The following ASAH2 variants were observed in gnomAD, a reference collection of about 807,000 sequenced individuals.
ASAH2 encodes the protein N-acylsphingosine amidohydrolase 2.
Under a neutral mutation model 82.9 loss-of-function variants are expected in ASAH2, and 58 were observed. The ratio of observed to expected loss-of-function variants is 0.70; its 90% CI spans 0.57 to 0.87. The LOEUF is 0.87. Among genes scored for constraint, ASAH2 ranks in the 40% least tolerant of loss-of-function variants. ASAH2 has a pLI of 0.00. For missense variants in ASAH2, 779 were observed against 834.0 expected (o/e 0.93, Z 0.81); for synonymous variants, 276 against 289.7 (o/e 0.95, Z 0.48).
intron 20 of ASAH2, among the ~76,000 whole-genome samples, chr10:50,188,373 G>A (rs1288643084): frequency 1.3e-5 from 2 of 151,810 alleles, no homozygotes; most frequent in African/African-American, 4.8e-5. Context: ...TCTAGACTCA[G>A]TGAGATACAA....
Position 50,206,036 on chromosome 10 carries a change from A to G in ASAH2, c.1476T>C (p.Ser492=). 6.2e-7 allele frequency: 1 copy of G among 1,612,690 alleles called. No homozygotes were observed. ...GTTTATGACATTCTTTAATTTCTTC[A>G]GATGGCTTTCCCAGGATCTGGTCCC... is the stretch of plus-strand genomic sequence containing the variant. ...TIRDQILGKP[S]EEIKECHKPK... The change falls in exon 13 of 21, where the codon TCT becomes TCC. Residue 492 remains serine (S), a synonymous_variant. Coordinates refer to ENST00000682911, the MANE Select transcript of ASAH2 (RefSeq NM_019893.4).
intron 1 of ASAH2, among the ~76,000 whole-genome samples, chr10:50,249,602 T>C (rs1161594463): frequency 6.6e-6 from 1 of 152,250 alleles, no homozygotes; most frequent in African/African-American, 2.4e-5. Flanking sequence ...ATGATTATGA[T>C]CATCTTATCT....
At chr10:50,208,526 A>G (rs1315200543) in intron 12 of ASAH2, among the ~76,000 whole-genome samples, 1 of 152,084 alleles carries the variant, frequency 6.6e-6, no homozygotes, top group East Asian at 1.9e-4. Flanking sequence ...CAATCCAAAA[A>G]TGAAATTAAG....
At chr10:50,238,582 G>T (rs1846216311) in intron 4 of ASAH2, among the ~76,000 whole-genome samples, 1 of 152,078 alleles carries the variant, frequency 6.6e-6, no homozygotes, top group Non-Finnish European at 1.5e-5. Flanking sequence ...AAGAGAAAAT[G>T]ATCAATGAAG....
At chr10:50,238,290 C>A (rs1213955861) in intron 4 of ASAH2, among the ~76,000 whole-genome samples, 4 of 121,232 alleles carry the variant, frequency 3.3e-5, no homozygotes, top group African/African-American at 1.2e-4. Context: ...ATCATTCAAC[C>A]TCTTCTATTG....
At chr10:50,229,315 G>A (rs906204914) in intron 7 of ASAH2, among the ~76,000 whole-genome samples, 1 of 151,900 alleles carries the variant, frequency 6.6e-6, no homozygotes, top group Non-Finnish European at 1.5e-5. Flanking sequence ...TGTTCTCCAT[G>A]TCTGGAGAAA....
At chr10:50,250,879 T>C (rs1846596811) in intron 1 of ASAH2, among the ~76,000 whole-genome samples, 1 of 152,254 alleles carries the variant, frequency 6.6e-6, no homozygotes. Flanking sequence ...TTGAATGATC[T>C]ACCTCATGTG....
chr10:50,218,082 C>A (rs900057724), intron 8 of ASAH2, among the ~76,000 whole-genome samples: 1 of 152,092 alleles, frequency 6.6e-6, no homozygotes, highest in Admixed American at 6.6e-5. Context: ...TGAGATCGTG[C>A]CACTGCTCTC....
In ASAH2 at chr10:50,206,010, G is replaced by T. The variant is rs2133202970; in HGVS notation, c.1502C>A (p.Pro501Gln). The change falls in exon 13 of 21, where the codon CCA (proline) becomes CAA (glutamine). Residue 501 changes from proline to glutamine, a missense_variant. This residue lies in a region of ASAH2 where 759 missense variants were observed against 755.2 expected (regional missense o/e 1.00). Coordinates refer to ENST00000682911, the MANE Select transcript of ASAH2 (RefSeq NM_019893.4). ...PSEEIKECHKPKPILLHTGEL... is the reference protein window; with the variant it reads ...PSEEIKECHKQKPILLHTGEL... The stretch of plus-strand genomic sequence containing the variant: ...TCCGGTGTGAAGAAGGATGGGCTTT[G>T]GTTTATGACATTCTTTAATTTCTTC... 5 of 1,612,338 alleles carry T rather than the reference G, an allele frequency of 3.1e-6. No homozygotes were observed. The highest frequency in any genetic ancestry group is 2.5e-6 in the Non-Finnish European group (3 of 1,178,712).
At chr10:50,220,836 C>CAAAAAAAAA (rs1206033397) in intron 7 of ASAH2, among the ~76,000 whole-genome samples, 1 of 76,212 alleles carries the variant, frequency 1.3e-5, no homozygotes, top group African/African-American at 4.6e-5. Flanking sequence ...ATACTCTAGC[C>CAAAAAAAAA]AAAAAAAAAA....
intron 13 of ASAH2, among the ~76,000 whole-genome samples, chr10:50,205,395 C>T (rs1845267906): frequency 6.6e-6 from 1 of 151,942 alleles, no homozygotes; most frequent in Admixed American, 6.6e-5. Context: ...AATACTATAG[C>T]CTGTCCCTCT....
chr10:50,234,639 T>C, intron 5 of ASAH2, 87 bp from the exon 6 acceptor site: 1 of 1,585,052 alleles, frequency 6.3e-7, no homozygotes, highest in East Asian at 2.2e-5. Flanking sequence ...AAGAGCCCTG[T>C]GAACAATTTC....
intron 1 of ASAH2, among the ~76,000 whole-genome samples, 134 bp from the exon 2 acceptor site, chr10:50,248,780 C>T (rs1012147119): frequency 6.6e-6 from 1 of 152,194 alleles, no homozygotes; most frequent in African/African-American, 2.4e-5. Context: ...ATTCCATAGA[C>T]CAAGCCCATG....
At chr10:50,215,267 G>T (rs933403692) in intron 8 of ASAH2, among the ~76,000 whole-genome samples, 146 of 151,820 alleles carry the variant, frequency 9.6e-4, no homozygotes, top group African/African-American at 3.4e-3. Context: ...AAGGGGTCCA[G>T]TTTCGGTTTT....
chr10:50,205,951 T>C (rs1845282336), intron 13 of ASAH2, 31 bp downstream of exon 13: 2 of 1,493,920 alleles, frequency 1.3e-6, no homozygotes, highest in East Asian at 2.3e-5. Flanking sequence ...AACAATATGC[T>C]AATTTCACTA....
At chr10:50,234,380 C>T (rs1846093300) in intron 6 of ASAH2, 45 bp downstream of exon 6, 1 of 1,612,228 alleles carries the variant, frequency 6.2e-7, no homozygotes, top group Non-Finnish European at 8.5e-7. Flanking sequence ...TGTTGCTGTT[C>T]CCTAAAGGGA....
intron 9 of ASAH2, 47 bp from the exon 10 acceptor site, chr10:50,213,105 AT>A (rs1210395200): frequency 6.8e-6 from 10 of 1,463,202 alleles, no homozygotes; most frequent in Non-Finnish European, 9.6e-6. Flanking sequence ...GTAAGAAATT[AT>A]TTTAAGGAAT....
At chr10:50,221,022 A>C (rs1589340134) in intron 7 of ASAH2, among the ~76,000 whole-genome samples, 2 of 152,128 alleles carry the variant, frequency 1.3e-5, no homozygotes, top group Non-Finnish European at 1.5e-5. Flanking sequence ...TTCAAAACAC[A>C]ATGTCAAGCC....
rs1378430191 is a variant in ASAH2, at chr10:50,187,386, C to T, written c.2272G>A (p.Asp758Asn). The T allele has an allele frequency of 2.6e-6, 1 of 383,566 alleles. No individual in the cohort carries two copies. The highest frequency in any genetic ancestry group is 2.4e-5 in the South Asian group (1 of 42,180). The allele number at this position is 383,566 out of a possible 1,614,324, so 23.8% of individuals were successfully genotyped here. ...AGTATGACAGCAGGCTTCAGAATGTCCTGCTTCCGATTGTGTCCAAAATAT... is the reference window on the plus strand; with the variant it reads ...AGTATGACAGCAGGCTTCAGAATGTTCTGCTTCCGATTGTGTCCAAAATAT... ...IRYFGHNRKQ[D>N]ILKPAVILSF... The change falls in exon 21 of 21, where the codon GAC becomes AAC. Residue 758 changes from aspartate to asparagine, a missense_variant. This residue lies in a region of ASAH2 where 14 missense variants were observed against 16.2 expected (regional missense o/e 0.87). Transcript: ENST00000682911.
Sources: gnomAD v4.1 joint callset for allele counts (sites outside exome capture counted in the v4.1 genomes callset) on GRCh38, gnomAD v4.1.1 for gene constraint, gnomAD v4.1.1 regional missense constraint, MANE v1.5 for transcripts, NCBI Gene and HGNC (gene_info 2026-07-23, HGNC 2026-07-21) for gene names.